The following NFATC2 variants were observed in gnomAD, a reference collection of about 807,000 sequenced individuals.
NFATC2 encodes nuclear factor of activated T-cells, cytoplasmic 2.
A neutral mutation model predicts 87.3 loss-of-function variants in NFATC2; 22 were observed. The observed-to-expected ratio is 0.25, with a 90% confidence interval of 0.18 to 0.36. The LOEUF (loss-of-function observed/expected upper bound fraction) is 0.36. Ranked by LOEUF, NFATC2 falls within the 10% of genes least tolerant of loss-of-function variation. NFATC2 has a pLI of 1.00. For missense variants in NFATC2, 1,149 were observed against 1,259.1 expected (o/e 0.91, Z 1.32); for synonymous variants, 565 against 542.2 (o/e 1.04, Z -0.58).
intron 2 of NFATC2, among the ~76,000 whole-genome samples, chr20:51,518,751 T>C (rs900960688): frequency 3.9e-5 from 6 of 152,240 alleles, no homozygotes; most frequent in Non-Finnish European, 7.3e-5. Flanking sequence ...TATTGACTAC[T>C]GCAAATTTTT....
rs1371979284 is a variant in NFATC2, at chr20:51,523,052, G to A, written c.1160+29C>T. On this transcript the variant is annotated intron_variant, in intron 2 of 10. Transcript: ENST00000371564. This position sits in a 1 kb window ranked among gnomAD's most constrained non-coding sequence, Gnocchi z 6.9. ...AACCATCTCTTAAAACTAAACCACA[G>A]AATCAATCATTTTCAAAGCCCTGCT... The A allele has an allele frequency of 6.2e-7, 1 of 1,613,268 alleles. No individual in the cohort carries two copies. The highest frequency in any genetic ancestry group is 1.1e-5 in the South Asian group (1 of 91,032).
At chr20:51,393,514 A>G (rs1260684653) in intron 10 of NFATC2, among the ~76,000 whole-genome samples, 1 of 152,202 alleles carries the variant, frequency 6.6e-6, no homozygotes, top group East Asian at 1.9e-4. Context: ...AAATTCATAT[A>G]TTTAGCTAAC....
intron 6 of NFATC2, among the ~76,000 whole-genome samples, chr20:51,438,259 C>G (rs1983849905): frequency 6.6e-6 from 1 of 152,054 alleles, no homozygotes; most frequent in South Asian, 2.1e-4. Flanking sequence ...AAAAGTGGGT[C>G]CTCATCCACA....
intron 8 of NFATC2, 35 bp downstream of exon 8, chr20:51,435,153 T>C: frequency 6.2e-7 from 1 of 1,612,292 alleles, no homozygotes. Flanking sequence ...GTACTGCCTC[T>C]CAATAACAAA....
intron 5 of NFATC2, among the ~76,000 whole-genome samples, chr20:51,465,807 G>A (rs1987623798): frequency 1.3e-5 from 2 of 151,970 alleles, no homozygotes; most frequent in Non-Finnish European, 2.9e-5. Flanking sequence ...CTTGTTTACT[G>A]TCTGTCTTCC....
At chr20:51,397,437 C>T (rs941400503) in intron 10 of NFATC2, among the ~76,000 whole-genome samples, 62 of 152,200 alleles carry the variant, frequency 4.1e-4, no homozygotes, top group African/African-American at 1.4e-3. Flanking sequence ...TCCCAGGCCA[C>T]GCTGGTCAGA....
chr20:51,547,544 C>T (rs887439601), upstream of NFATC2, among the ~76,000 whole-genome samples: 6 of 152,150 alleles, frequency 3.9e-5, no homozygotes, highest in South Asian at 1.0e-3. Context: ...GTAGAAAGCT[C>T]ATTTTTATCT....
At chr20:51,486,290 C>A (rs919534776) in intron 3 of NFATC2, among the ~76,000 whole-genome samples, 1 of 152,142 alleles carries the variant, frequency 6.6e-6, no homozygotes, top group East Asian at 1.9e-4. Context: ...GCCCATATCA[C>A]CAGCTTCATC....
intron 9 of NFATC2, among the ~76,000 whole-genome samples, chr20:51,415,866 A>T (rs1316875339): frequency 6.6e-6 from 1 of 152,134 alleles, no homozygotes; most frequent in Non-Finnish European, 1.5e-5. Context: ...TCACAGGAGG[A>T]AAAACTGACC....
At chr20:51,545,710 T>A (rs1330509498), upstream of NFATC2, among the ~76,000 whole-genome samples, 1 of 151,236 alleles carries the variant, frequency 6.6e-6, no homozygotes, top group Non-Finnish European at 1.5e-5. Flanking sequence ...GATGGGTGGA[T>A]GGATGGATAG....
chr20:51,540,663 T>TTTTTTTTTTTTTTTTTTTGTTTG (rs1555818354), intron 1 of NFATC2, among the ~76,000 whole-genome samples: 4 of 135,772 alleles, frequency 2.9e-5, no homozygotes, highest in East Asian at 2.3e-4. Flanking sequence ...TTTTTGTTTT[T>TTTTTTTTTTTTTTTTTTTGTTTG]TTTTTTTTGA....
intron 9 of NFATC2, among the ~76,000 whole-genome samples, chr20:51,422,072 G>A (rs372422665): frequency 1.6e-4 from 25 of 152,300 alleles, no homozygotes; most frequent in East Asian, 1.5e-3. Context: ...AATTAACAAC[G>A]AGGGAGTGTC....
At chr20:51,503,272 A>G (rs564536988) in intron 3 of NFATC2, among the ~76,000 whole-genome samples, 1 of 152,310 alleles carries the variant, frequency 6.6e-6, no homozygotes, top group South Asian at 2.1e-4. Flanking sequence ...AAGAAACTAG[A>G]GCAGTTTGCA....
At chr20:51,481,952 G>A (rs1413440269) in intron 3 of NFATC2, among the ~76,000 whole-genome samples, 2 of 152,180 alleles carry the variant, frequency 1.3e-5, no homozygotes, top group African/African-American at 4.8e-5. Flanking sequence ...GAGAAGAGCA[G>A]TGTTATCCCA....
chr20:51,415,921 G>A (rs533096081), intron 9 of NFATC2, among the ~76,000 whole-genome samples: 2 of 152,266 alleles, frequency 1.3e-5, no homozygotes, highest in South Asian at 2.1e-4. Context: ...ATGATGTTCA[G>A]ATAATAGGAA....
rs16996057 is a variant in NFATC2 at position 51,516,090 on chromosome 20, T to G, written c.1332+694A>C. 8.0e-3 allele frequency among the ~76,000 whole-genome samples: 1,220 copies of G among 152,142 alleles called. 25 individuals are homozygous for G. The highest frequency in any genetic ancestry group is 0.028 in the African/African-American group (1,175 of 41,480). Reference sequence around the variant, plus strand: ...ATTATACAATTAAGAATATTTCAACTCCAATTATTTTGGGGAAAAATAGGC... The same window carrying G: ...ATTATACAATTAAGAATATTTCAACGCCAATTATTTTGGGGAAAAATAGGC... On this transcript the variant is annotated intron_variant, in intron 3 of 10. Coordinates refer to ENST00000371564, the MANE Select transcript of NFATC2 (RefSeq NM_012340.5).
chr20:51,393,695 G>A (rs1369649271), intron 10 of NFATC2, among the ~76,000 whole-genome samples: 1 of 152,196 alleles, frequency 6.6e-6, no homozygotes, highest in African/African-American at 2.4e-5. Flanking sequence ...CCCGGGGCAG[G>A]TGGGGTCGGG....
At position 51,503,666 on chromosome 20, in the gene NFATC2, G is replaced by C. The variant is rs571657471; in HGVS notation, c.1332+13118C>G. Among the ~76,000 whole-genome samples the C allele has an allele frequency of 3.3e-5, 5 of 152,366 alleles. No homozygotes were observed. In the South Asian group the frequency reaches 1.0e-3, roughly 32 times the overall value. On this transcript the variant is annotated intron_variant, in intron 3 of 10. Coordinates refer to ENST00000371564, the MANE Select transcript of NFATC2 (RefSeq NM_012340.5). ...TTGGGGGTGTCAACAGCAGCCCACAGCGAGGCTGCACCTGCCCCATGAGCC... is the reference window on the plus strand; with the variant it reads ...TTGGGGGTGTCAACAGCAGCCCACACCGAGGCTGCACCTGCCCCATGAGCC...
chr20:51,448,170 T>C (rs1280662417), intron 6 of NFATC2, among the ~76,000 whole-genome samples: 2 of 151,638 alleles, frequency 1.3e-5, no homozygotes, highest in Non-Finnish European at 2.9e-5. Context: ...ACAGACAAGG[T>C]AGGTGATTTC....
Sources: allele counts gnomAD v4.1 joint callset (sites outside exome capture counted in the v4.1 genomes callset), GRCh38; gene constraint gnomAD v4.1.1; non-coding constraint Gnocchi (gnomAD v3.1); transcripts MANE v1.5; gene names NCBI Gene and HGNC (gene_info 2026-07-23, HGNC 2026-07-21).